The following TRIM45 variants were observed in gnomAD, a reference collection of about 807,000 sequenced individuals.
TRIM45 encodes the protein E3 ubiquitin-protein ligase TRIM45.
Under a neutral mutation model 46.7 loss-of-function variants are expected in TRIM45, and 45 were observed. That is an observed-to-expected ratio of 0.96 (90% CI 0.76 to 1.24). TRIM45 has a LOEUF of 1.24. TRIM45 is among the 50% of genes most tolerant of loss of function. The probability of loss-of-function intolerance (pLI) is 0.00; values close to 1 mark genes in which losing one functional copy is unlikely to be tolerated. For missense variants in TRIM45, 680 were observed against 728.4 expected, an observed-to-expected ratio of 0.93 and a Z score of 0.77; for synonymous variants, 259 against 285.8, an observed-to-expected ratio of 0.91 and a Z score of 0.94.
chr1:117,117,922 CTT>C lies in TRIM45; in HGVS notation c.1222+110_1222+111del. The C allele has an allele frequency of 7.1e-7, 1 of 1,403,422 alleles. No homozygotes were observed. Among genetic ancestry groups the C allele is most frequent in the Non-Finnish European group, 9.7e-7 (1 of 1,030,760 alleles). The allele number at this position is 1,403,422 out of a possible 1,614,324, so 86.9% of individuals were successfully genotyped here. On this transcript the variant is annotated intron_variant, in intron 2 of 5. Coordinates refer to ENST00000256649, the MANE Select transcript of TRIM45 (RefSeq NM_025188.4). The surrounding 1 kb of genome is among the most constrained non-coding windows in gnomAD (Gnocchi z 4.9). ...CTTTCAGATCAGTTTATCTCCCCAC[CTT>C]TGGTAACCTGGTCAGTAGGGCATGC...
At position 117,121,426 on chromosome 1, in the gene TRIM45, C is replaced by T. The variant is rs1220619876; in HGVS notation, c.-225G>A. On this transcript the variant is annotated 5_prime_UTR_variant, in exon 1 of 6. In the 5' UTR this introduces an upstream ATG that the reference lacks. Coordinates refer to ENST00000256649, the MANE Select transcript of TRIM45 (RefSeq NM_025188.4). The surrounding 1 kb of genome is among the most constrained non-coding windows in gnomAD (Gnocchi z 4.2). ...CCCCTCCTTTCCACTGCATCCCACA[C>T]CAGACACGCCCACGCCCTCCTCTGC... 16 of 541,372 alleles carry T rather than the reference C, an allele frequency of 3.0e-5. No individual in the cohort carries two copies. Among genetic ancestry groups the T allele is most frequent in the African/African-American group, 2.5e-4 (13 of 52,670 alleles). 33.5% of individuals were successfully genotyped at this position (541,372 alleles called of 1,614,324 possible). A position where few individuals can be genotyped will look rare whatever the true frequency, so the allele number is the denominator to read the frequency against.
rs574213918 is a variant in TRIM45, at chr1:117,113,515, A to G, written c.1468-30T>C. ...AGTGTTCAGACCAAAAGCAATGAAC[A>G]GCATCTTACGAGTTAACAGGATGTG... On this transcript the variant is annotated intron_variant, in intron 4 of 5. Transcript: ENST00000256649. The surrounding 1 kb of genome is among the most constrained non-coding windows in gnomAD (Gnocchi z 4.0). The G allele has an allele frequency of 1.2e-6, 2 of 1,606,510 alleles. No homozygotes were observed. Among genetic ancestry groups the G allele is most frequent in the South Asian group, 2.2e-5 (2 of 90,418 alleles).
In TRIM45 at chr1:117,115,720, C is replaced by T; in HGVS notation, c.1353-31G>A. ...TGGAGATAAGAGTCAAAACACCACT[C>T]ACTTCCACAAGCTGGCTTCAGTTGC... On this transcript the variant is annotated intron_variant, in intron 3 of 5. Coordinates refer to ENST00000256649, the MANE Select transcript of TRIM45 (RefSeq NM_025188.4). This position sits in a 1 kb window ranked among gnomAD's most constrained non-coding sequence, Gnocchi z 4.2. 1 of 1,488,400 alleles carries T rather than the reference C, an allele frequency of 6.7e-7. No homozygotes were observed. Among genetic ancestry groups the T allele is most frequent in the Non-Finnish European group, 9.4e-7 (1 of 1,065,578 alleles). 92.2% of individuals were successfully genotyped at this position (1,488,400 alleles called of 1,614,324 possible).
At position 117,121,202 on chromosome 1, in the gene TRIM45, A is replaced by AC; in HGVS notation, c.-2dup. ...GCAGCGGTTTTCTGTTTTCTGACAT[A>AC]CTCCTCACGTTTGTGACCAATATTA... On this transcript the variant is annotated 5_prime_UTR_variant, in exon 1 of 6. Coordinates refer to ENST00000256649, the MANE Select transcript of TRIM45 (RefSeq NM_025188.4). This position sits in a 1 kb window ranked among gnomAD's most constrained non-coding sequence, Gnocchi z 4.2. 1 of 1,539,300 alleles carries AC rather than the reference A, an allele frequency of 6.5e-7. No individual in the cohort carries two copies. The highest frequency in any genetic ancestry group is 8.7e-7 in the Non-Finnish European group (1 of 1,149,270).
chr1:117,116,236 C>CT lies in TRIM45; in HGVS notation c.1352+379dup, dbSNP rs530981651. ...TAACTAGTGAGTTACACTCCAATATCTTTTTTTTTTTTTTGGACCTGGGGT... is the reference window on the plus strand; with the variant it reads ...TAACTAGTGAGTTACACTCCAATATCTTTTTTTTTTTTTTTGGACCTGGGGT... On this transcript the variant is annotated intron_variant, in intron 3 of 5. Coordinates refer to ENST00000256649, the MANE Select transcript of TRIM45 (RefSeq NM_025188.4). The surrounding 1 kb of genome is among the most constrained non-coding windows in gnomAD (Gnocchi z 4.6). Among the ~76,000 whole-genome samples, 7,177 of 143,830 alleles carry CT rather than the reference C, an allele frequency of 0.05. 272 individuals are homozygous for CT. Among genetic ancestry groups the CT allele is most frequent in the East Asian group, 0.1 (513 of 4,970 alleles). The allele number at this position is 143,830 out of a possible 152,430, so 94.4% of individuals were successfully genotyped here.
intron 4 of TRIM45, among the ~76,000 whole-genome samples, chr1:117,114,948 G>A (rs770050569): frequency 2.6e-5 from 4 of 152,170 alleles, no homozygotes; most frequent in South Asian, 2.1e-4. Context: ...GATTCTGCTC[G>A]ACCTGTTAGT....
upstream of TRIM45, chr1:117,122,022 T>G: frequency 1.9e-6 from 1 of 538,442 alleles, no homozygotes; most frequent in Non-Finnish European, 3.4e-6. Context: ...GCGTCACCGT[T>G]TCACAGGGAC....
Position 117,118,353 on chromosome 1 carries a change from G to A in TRIM45, c.903C>T (p.Asp301=). 6.2e-7 allele frequency: 1 copy of A among 1,614,210 alleles called. No homozygotes were observed. Among genetic ancestry groups the A allele is most frequent in the South Asian group, 1.1e-5 (1 of 91,078 alleles). The change falls in exon 2 of 6, where the codon GAC becomes GAT. Residue 301 remains aspartate (D), a synonymous_variant. Coordinates refer to ENST00000256649, the MANE Select transcript of TRIM45 (RefSeq NM_025188.4). The surrounding 1 kb of genome is among the most constrained non-coding windows in gnomAD (Gnocchi z 5.7). Reference sequence around the variant, plus strand: ...GGGAATTTTCCTTCTGGGCCCGTATGTCTTCCAGCTGCTTCAGCAGCTTGT... The same window carrying A: ...GGGAATTTTCCTTCTGGGCCCGTATATCTTCCAGCTGCTTCAGCAGCTTGT... ...HRDKLLKQLE[D]IRAQKENSLQ...
Position 117,120,835 on chromosome 1 carries a change from G to T in TRIM45, c.367C>A (p.Leu123Met), listed in dbSNP as rs974565691. The T allele has an allele frequency of 6.2e-7, 1 of 1,614,056 alleles. No individual in the cohort carries two copies. The highest frequency in any genetic ancestry group is 1.3e-5 in the African/African-American group (1 of 74,912). ...TGGCCTTCCCCACGTAGGCTCTCCAGCATCACATCATTCACGGCCAGGTGG... is the reference window on the plus strand; with the variant it reads ...TGGCCTTCCCCACGTAGGCTCTCCATCATCACATCATTCACGGCCAGGTGG... ...IDHLAVNDVM[L>M]ESLRGEGQGL... The change falls in exon 1 of 6, where the codon CTG (leucine) becomes ATG (methionine). Residue 123 changes from leucine to methionine, a missense_variant. This residue lies in a region of TRIM45 where 349 missense variants were observed against 343.6 expected (regional missense o/e 1.02). Coordinates refer to ENST00000256649, the MANE Select transcript of TRIM45 (RefSeq NM_025188.4).
chr1:117,120,764 C>A lies in TRIM45; in HGVS notation c.438G>T (p.Arg146Ser). 1.9e-6 allele frequency: 3 copies of A among 1,613,848 alleles called. No individual in the cohort carries two copies. Among genetic ancestry groups the A allele is most frequent in the Non-Finnish European group, 2.5e-6 (3 of 1,179,836 alleles). ...AGAGGTTGGCTTTGCAGGTCTGACA[C>A]CTCTTCTCTACTTCCCTGTCGTTGC... ...DLCNDREVEKRCQTCKANLCH... is the reference protein window; with the variant it reads ...DLCNDREVEKSCQTCKANLCH... The change falls in exon 1 of 6, where the codon AGG (arginine) becomes AGT (serine). Residue 146 changes from arginine to serine, a missense_variant. Coordinates refer to ENST00000256649, the MANE Select transcript of TRIM45 (RefSeq NM_025188.4).
At position 117,113,068 on chromosome 1, in the gene TRIM45, T is replaced by G. The variant is rs1451698397; in HGVS notation, c.1594+291A>C. On this transcript the variant is annotated intron_variant, in intron 5 of 5. Coordinates refer to ENST00000256649, the MANE Select transcript of TRIM45 (RefSeq NM_025188.4). The surrounding 1 kb of genome is among the most constrained non-coding windows in gnomAD (Gnocchi z 4.0). Reference sequence around the variant, plus strand: ...ATGGGTCCATAGTTTTCACACTGCTTAGGCCGCTGGAAAGGGACAGACAAA... The same window carrying G: ...ATGGGTCCATAGTTTTCACACTGCTGAGGCCGCTGGAAAGGGACAGACAAA... Among the ~76,000 whole-genome samples the G allele has an allele frequency of 6.6e-6, 1 of 152,210 alleles. No individual in the cohort carries two copies. The highest frequency in any genetic ancestry group is 2.4e-5 in the African/African-American group (1 of 41,458).
upstream of TRIM45, chr1:117,122,563 C>T (rs1650699121): frequency 6.6e-6 from 1 of 152,210 alleles, no homozygotes. Flanking sequence ...TGAATGTCAC[C>T]CGGGATTCCA....
chr1:117,122,690 G>A (rs369257828), upstream of TRIM45: 1 of 152,354 alleles, frequency 6.6e-6, no homozygotes. Context: ...TGAGGGACAA[G>A]CCCTTTGTGG....
chr1:117,118,778 A>G lies in TRIM45; in HGVS notation c.489-11T>C, dbSNP rs1650513610. On this transcript the variant is annotated splice_polypyrimidine_tract_variant and intron_variant, in intron 1 of 5. Transcript: ENST00000256649. The surrounding 1 kb of genome is among the most constrained non-coding windows in gnomAD (Gnocchi z 5.7). ...GTTTTCTTCTGCCGCCTAGGGGCAA[A>G]CAGAATCAGTAACAGGAAATAAGGG... is the stretch of plus-strand genomic sequence containing the variant. 6.2e-7 allele frequency: 1 copy of G among 1,606,448 alleles called. No homozygotes were observed. Among genetic ancestry groups the G allele is most frequent in the African/African-American group, 1.3e-5 (1 of 74,734 alleles).
Position 117,115,969 on chromosome 1 carries a change from A to G in TRIM45, c.1353-280T>C, listed in dbSNP as rs1474343014. Reference sequence around the variant, plus strand: ...CCTCTTGCTCTGTTGTCCCTCCTCCATTCTACAATTCCAGAGAAATATAAA... The same window carrying G: ...CCTCTTGCTCTGTTGTCCCTCCTCCGTTCTACAATTCCAGAGAAATATAAA... On this transcript the variant is annotated intron_variant, in intron 3 of 5. Coordinates refer to ENST00000256649, the MANE Select transcript of TRIM45 (RefSeq NM_025188.4). The surrounding 1 kb of genome is among the most constrained non-coding windows in gnomAD (Gnocchi z 4.2). Among the ~76,000 whole-genome samples the G allele has an allele frequency of 1.3e-5, 2 of 152,134 alleles. No individual in the cohort carries two copies. Among genetic ancestry groups the G allele is most frequent in the African/African-American group, 4.8e-5 (2 of 41,430 alleles).
upstream of TRIM45, among the ~76,000 whole-genome samples, chr1:117,123,017 G>GA (rs141841489): frequency 3.9e-5 from 5 of 127,620 alleles, no homozygotes; most frequent in African/African-American, 1.2e-4. Context: ...TATGGAATCT[G>GA]AAAAAAAGTT....
Position 117,118,844 on chromosome 1 carries a change from A to C in TRIM45, c.489-77T>G. 5.9e-6 allele frequency: 9 copies of C among 1,524,142 alleles called. No individual in the cohort carries two copies. The highest frequency in any genetic ancestry group is 7.9e-6 in the Non-Finnish European group (9 of 1,134,342). 94.4% of individuals were successfully genotyped at this position (1,524,142 alleles called of 1,614,324 possible). A position where few individuals can be genotyped will look rare whatever the true frequency, so the allele number is the denominator to read the frequency against. On this transcript the variant is annotated intron_variant, in intron 1 of 5. Coordinates refer to ENST00000256649, the MANE Select transcript of TRIM45 (RefSeq NM_025188.4). The surrounding 1 kb of genome is among the most constrained non-coding windows in gnomAD (Gnocchi z 5.7). ...AATAGTTGGGCAGAGAGATTTTAGG[A>C]GCACAGGATCTGAAGTTAAACAAAC...
At chr1:117,123,231 A>G (rs1355384829), upstream of TRIM45, among the ~76,000 whole-genome samples, 1 of 152,180 alleles carries the variant, frequency 6.6e-6, no homozygotes, top group Non-Finnish European at 1.5e-5. Flanking sequence ...TCCTTCTTGC[A>G]TCTACTCTCA....
At chr1:117,123,883 G>C (rs772399685), upstream of TRIM45, among the ~76,000 whole-genome samples, 4 of 151,976 alleles carry the variant, frequency 2.6e-5, 1 homozygote, top group South Asian at 6.2e-4. Flanking sequence ...CACCCGCCTC[G>C]GCCTCCCAAA....
Sources: allele counts gnomAD v4.1 joint callset (sites outside exome capture counted in the v4.1 genomes callset), GRCh38; gene constraint gnomAD v4.1.1; regional missense constraint gnomAD v4.1.1; non-coding constraint Gnocchi (gnomAD v3.1); transcripts MANE v1.5; gene names NCBI Gene and HGNC (gene_info 2026-07-23, HGNC 2026-07-21).